CHD4: variants seen among roughly 807,000 people sequenced by gnomAD.
The protein encoded by CHD4 is ATP-dependent chromatin remodeler CHD4.
In CHD4, 35 loss-of-function variants were observed where a neutral mutation model predicts 235.5. The ratio of observed to expected loss-of-function variants is 0.15; its 90% CI spans 0.11 to 0.20. The LOEUF (loss-of-function observed/expected upper bound fraction) is 0.20. CHD4 is among the 10% of genes least tolerant of loss of function. CHD4 has a pLI of 1.00. For missense variants in CHD4, 1,329 were observed against 2,432.3 expected, an observed-to-expected ratio of 0.55 and a Z score of 9.54; for synonymous variants, 900 against 850.2, an observed-to-expected ratio of 1.06 and a Z score of -1.02.
rs765319548 is a variant in CHD4, at chr12:6,598,376, C to A, written c.1532G>T (p.Gly511Val). The A allele has an allele frequency of 1.8e-5, 29 of 1,613,664 alleles. No homozygotes were observed. Among genetic ancestry groups the A allele is most frequent in the Non-Finnish European group, 2.4e-5 (28 of 1,179,732 alleles). The change falls in exon 11 of 40, where the codon GGT becomes GTT. Residue 511 changes from glycine to valine, a missense_variant. Coordinates refer to ENST00000544040, the MANE Select transcript of CHD4 (RefSeq NM_001273.5). Reference sequence around the variant, plus strand: ...CACTGGTGTGGGAGATGGTGGCTGACCCCACTTCCAGATTAGGATCTTCTG... The same window carrying A: ...CACTGGTGTGGGAGATGGTGGCTGAACCCACTTCCAGATTAGGATCTTCTG... The part of the protein sequence containing the change: ...KVQKILIWKW[G>V]QPPSPTPVPR...
intron 2 of CHD4, among the ~76,000 whole-genome samples, chr12:6,604,571 C>G (rs1249310724): frequency 6.6e-6 from 1 of 152,010 alleles, no homozygotes; most frequent in South Asian, 2.1e-4. Context: ...AAGTCAACCC[C>G]CAACCCCCAT....
In CHD4 at chr12:6,581,020, C is replaced by A. The variant is rs2267969; in HGVS notation, c.4909+24G>T. 0.027 allele frequency: 43,703 copies of A among 1,605,574 alleles called. 2,501 individuals carry two copies. In the East Asian group the frequency reaches 0.29, roughly 10 times the overall value. ...CACTGTCTCAAAACAAACAAACAAA[C>A]AAAAAAAATGTGGATACCTTTACCT... On this transcript the variant is annotated intron_variant, in intron 33 of 39. Transcript: ENST00000544040.
chr12:6,603,007 T>C (rs1948626243), intron 2 of CHD4: 1 of 152,714 alleles, frequency 6.5e-6, no homozygotes, highest in Admixed American at 6.5e-5. Flanking sequence ...ACTGCTCAAA[T>C]TAACCAGAAC....
intron 2 of CHD4, among the ~76,000 whole-genome samples, chr12:6,604,221 G>A (rs1332625694): frequency 6.6e-6 from 1 of 152,186 alleles, no homozygotes; most frequent in Non-Finnish European, 1.5e-5. Context: ...GTTGCAGTGA[G>A]CCAAGATCGC....
chr12:6,583,757 T>C (rs1948233277), intron 25 of CHD4: 1 of 172,500 alleles, frequency 5.8e-6, no homozygotes, highest in African/African-American at 2.4e-5. Flanking sequence ...TGTAAAAGAT[T>C]TTCATAAGAG....
chr12:6,588,232 T>C (rs1233006375), intron 23 of CHD4, 66 bp downstream of exon 23: 8 of 1,573,276 alleles, frequency 5.1e-6, no homozygotes, highest in African/African-American at 1.4e-5. Flanking sequence ...GGAGCCCTCA[T>C]AGAGGCCACT....
intron 10 of CHD4, 127 bp from the exon 11 acceptor site, chr12:6,598,552 T>A: frequency 1.3e-6 from 1 of 796,784 alleles, no homozygotes; most frequent in Non-Finnish European, 1.9e-6. Flanking sequence ...GGCTCATGCC[T>A]GAAATCCCAG....
rs114905614 is a variant in CHD4 at position 6,596,335 on chromosome 12, A to T, written c.1893-198T>A. 3.6e-3 allele frequency among the ~76,000 whole-genome samples: 552 copies of T among 152,280 alleles called. 3 individuals carry two copies. Among genetic ancestry groups the T allele is most frequent in the African/African-American group, 0.013 (530 of 41,566 alleles). On this transcript the variant is annotated intron_variant, in intron 12 of 39. Coordinates refer to ENST00000544040, the MANE Select transcript of CHD4 (RefSeq NM_001273.5). ...TACTTTCCTAGAGCTCAAACACCAG[A>T]ATTCAGTCAGTTAATAATTAACATA... is the stretch of plus-strand genomic sequence containing the variant.
rs1352771543 is a variant in CHD4 at position 6,587,682 on chromosome 12, CACCAAAACGT to C, written c.3703+20_3703+29del. On this transcript the variant is annotated intron_variant, in intron 24 of 39. Coordinates refer to ENST00000544040, the MANE Select transcript of CHD4 (RefSeq NM_001273.5). ...TAACCTTTAGAGAGGCCAAGCCCCACACCAAAACGTAAGTTCCTGACTACCTCACCTCCAT... is the reference window on the plus strand; with the variant it reads ...TAACCTTTAGAGAGGCCAAGCCCCACAAGTTCCTGACTACCTCACCTCCAT... The C allele has an allele frequency of 6.2e-7, 1 of 1,611,108 alleles. No homozygotes were observed. Among genetic ancestry groups the C allele is most frequent in the Non-Finnish European group, 8.5e-7 (1 of 1,177,556 alleles).
rs1176443003 is a variant in CHD4 at position 6,591,705 on chromosome 12, T to C, written c.3211A>G (p.Ile1071Val). 1 of 1,614,232 alleles carries C rather than the reference T, an allele frequency of 6.2e-7. No individual in the cohort carries two copies. Among genetic ancestry groups the C allele is most frequent in the Non-Finnish European group, 8.5e-7 (1 of 1,180,040 alleles). ...NLKEGGHRVLIFSQMTKMLDL... is the reference protein window; with the variant it reads ...NLKEGGHRVLVFSQMTKMLDL... ...AGTCCACATGATACCTGGGAAAAGA[T>C]GAGTACACGATGCCCACCCTCCTTA... Residue 1071 changes from isoleucine to valine, a missense_variant, in exon 21 of 40, where the codon ATC becomes GTC. Ile to Val is a conservative substitution (Grantham distance 29). Around this residue, in one of 26 missense-constraint regions of CHD4, gnomAD observed 39 missense variants for 83.8 expected, o/e 0.47. Transcript: ENST00000544040.
chr12:6,578,921 G>A lies in CHD4; in HGVS notation c.4910-4C>T. On this transcript the variant is annotated splice_polypyrimidine_tract_variant and splice_region_variant and intron_variant, in intron 33 of 39. Transcript: ENST00000544040. Reference sequence around the variant, plus strand: ...ACCTTCTCTACATCAGCAGCACCTAGGGGAAGAAATGTTATTGAGACTATA... The same window carrying A: ...ACCTTCTCTACATCAGCAGCACCTAAGGGAAGAAATGTTATTGAGACTATA... 1 of 1,613,738 alleles carries A rather than the reference G, an allele frequency of 6.2e-7. No individual in the cohort carries two copies. The highest frequency in any genetic ancestry group is 8.5e-7 in the Non-Finnish European group (1 of 1,179,694).
chr12:6,594,425 C>A, intron 15 of CHD4, 34 bp downstream of exon 15: 1 of 1,562,924 alleles, frequency 6.4e-7, no homozygotes, highest in South Asian at 1.2e-5. Context: ...ACAAAACACC[C>A]ACACAAAAAA....
chr12:6,600,915 TG>T lies in CHD4; in HGVS notation c.927+10del. ...TGGCACCCTCCCTAAAGCGATGGGC[TG>T]GGCTCTCACCGAGGATCTCTTACGC... On this transcript the variant is annotated intron_variant, in intron 7 of 39. Transcript: ENST00000544040. 2 of 1,573,150 alleles carry T rather than the reference TG, an allele frequency of 1.3e-6. No homozygotes were observed. The highest frequency in any genetic ancestry group is 1.7e-4 in the Middle Eastern group (1 of 5,844).
At chr12:6,576,992 C>T (rs1260341086) in intron 37 of CHD4, among the ~76,000 whole-genome samples, 2 of 151,816 alleles carry the variant, frequency 1.3e-5, no homozygotes, top group Non-Finnish European at 2.9e-5. Flanking sequence ...GCTGGAGTGC[C>T]GTAGCACGAT....
At chr12:6,574,002 G>A (rs1410822649) in intron 37 of CHD4, among the ~76,000 whole-genome samples, 1 of 152,006 alleles carries the variant, frequency 6.6e-6, no homozygotes, top group Non-Finnish European at 1.5e-5. Flanking sequence ...CAGCCTGAGT[G>A]ACAGAGGGAA....
chr12:6,587,533 T>C lies in CHD4; in HGVS notation c.3730A>G (p.Ser1244Gly), dbSNP rs769135264. The part of the protein sequence containing the change: ...GGGDNKEGED[S>G]SVIHYDDKAI... ...TTATCATCGTAGTGGATAACACTGC[T>C]ATCTTCTCCCTCTTTGTTGTCTCCT... is the stretch of plus-strand genomic sequence containing the variant. Residue 1244 changes from serine (S) to glycine (G), a missense_variant, in exon 25 of 40, where the codon AGC (serine) becomes GGC (glycine). By Grantham distance (56) the Ser-to-Gly change is moderately conservative. Transcript: ENST00000544040. 6.2e-7 allele frequency: 1 copy of C among 1,614,194 alleles called. No homozygotes were observed. The highest frequency in any genetic ancestry group is 1.1e-5 in the South Asian group (1 of 91,070).
intron 2 of CHD4, among the ~76,000 whole-genome samples, chr12:6,604,499 A>T (rs562761471): frequency 2.2e-4 from 33 of 152,110 alleles, no homozygotes; most frequent in Non-Finnish European, 4.7e-4. Flanking sequence ...TGGGAATGCA[A>T]CATCAGCCTG....
At position 6,599,339 on chromosome 12, in the gene CHD4, T is replaced by C. The variant is rs141196284; in HGVS notation, c.1482+434A>G. On this transcript the variant is annotated intron_variant, in intron 10 of 39. Transcript: ENST00000544040. Reference sequence around the variant, plus strand: ...GTACTCCTAGCTACTCAGCAAGAGGTTGAGATAGGAGGATCACTTGAGCCC... The same window carrying C: ...GTACTCCTAGCTACTCAGCAAGAGGCTGAGATAGGAGGATCACTTGAGCCC... 3.1e-4 allele frequency among the ~76,000 whole-genome samples: 47 copies of C among 151,612 alleles called. 1 individual carries two copies. The highest frequency in any genetic ancestry group is 1.1e-3 in the African/African-American group (44 of 41,312).
intron 37 of CHD4, among the ~76,000 whole-genome samples, chr12:6,575,600 C>G (rs565957290): frequency 8.5e-5 from 13 of 152,210 alleles, no homozygotes; most frequent in Admixed American, 2.0e-4. Context: ...CCACAACCAG[C>G]ATCACAGCCC....
Sources: gnomAD v4.1 joint callset for allele counts (sites outside exome capture counted in the v4.1 genomes callset) on GRCh38, gnomAD v4.1.1 for gene constraint, gnomAD v4.1.1 regional missense constraint, MANE v1.5 for transcripts, NCBI Gene and HGNC (gene_info 2026-07-23, HGNC 2026-07-21) for gene names.